CCDC86: variants seen among roughly 807,000 people sequenced by gnomAD.
CCDC86 encodes coiled-coil domain-containing protein 86.
A neutral mutation model predicts 36.7 loss-of-function variants in CCDC86; 28 were observed. The ratio of observed to expected loss-of-function variants is 0.76; its 90% confidence interval spans 0.57 to 1.05. The LOEUF is 1.05. CCDC86 is among the 50% of genes least tolerant of loss of function. The probability of loss-of-function intolerance (pLI) is 0.00; values close to 1 mark genes in which losing one functional copy is unlikely to be tolerated. For missense variants in CCDC86, 453 were observed against 470.2 expected, an observed-to-expected ratio of 0.96 and a Z score of 0.34; for synonymous variants, 199 against 203.4, an observed-to-expected ratio of 0.98 and a Z score of 0.18.
chr11:60,848,992 C>T (rs981278610), intron 2 of CCDC86, among the ~76,000 whole-genome samples: 21 of 152,188 alleles, frequency 1.4e-4, no homozygotes, highest in Non-Finnish European at 2.2e-4. Flanking sequence ...CCGTCCACTG[C>T]GGAGGTGCTC....
chr11:60,848,131 C>T (rs1855211121), intron 2 of CCDC86, 78 bp downstream of exon 2: 3 of 1,509,344 alleles, frequency 2.0e-6, no homozygotes, highest in Non-Finnish European at 2.7e-6. Flanking sequence ...AGGCGAGGGC[C>T]TCCACGGGTG....
Position 60,842,425 on chromosome 11 carries a change from G to T in CCDC86, c.301G>T (p.Glu101Ter). ...SPQRQQDLHL[E>*]SPQRQPEYSP... ...CCAGCGTCAGCAAGACCTACACCTG[G>T]AGTCGCCTCAAAGACAGCCAGAGTA... Residue 101 changes from glutamate to a stop codon, truncating the protein, a stop_gained, in exon 1 of 4, where the codon GAG becomes TAG. Transcript: ENST00000227520. LOFTEE classifies it high-confidence loss of function. The T allele has an allele frequency of 1.2e-6, 2 of 1,614,006 alleles. No homozygotes were observed. The highest frequency in any genetic ancestry group is 8.5e-7 in the Non-Finnish European group (1 of 1,180,006).
intron 2 of CCDC86, among the ~76,000 whole-genome samples, 185 bp from the exon 3 acceptor site, chr11:60,849,755 C>G (rs1168870049): frequency 2.6e-5 from 4 of 152,210 alleles, no homozygotes; most frequent in African/African-American, 9.7e-5. Flanking sequence ...CACAGCAGGC[C>G]CCTGGCACTA....
intron 1 of CCDC86, among the ~76,000 whole-genome samples, chr11:60,845,686 G>A (rs1855175357): frequency 6.6e-6 from 1 of 152,222 alleles, no homozygotes; most frequent in South Asian, 2.1e-4. Context: ...AGTGCCCTTG[G>A]GCATGCTGTC....
intron 2 of CCDC86, 151 bp from the exon 3 acceptor site, chr11:60,849,789 C>T: frequency 1.5e-6 from 1 of 675,576 alleles, no homozygotes; most frequent in Non-Finnish European, 2.6e-6. Context: ...GATTGCTAGC[C>T]CTCCACCCAC....
At position 60,842,533 on chromosome 11, in the gene CCDC86, G is replaced by C; in HGVS notation, c.409G>C (p.Glu137Gln). The C allele has an allele frequency of 1.9e-6, 3 of 1,613,548 alleles. No individual in the cohort carries two copies. Among genetic ancestry groups the C allele is most frequent in the Non-Finnish European group, 1.7e-6 (2 of 1,179,856 alleles). ...TCAGGACCAGGGAGTACTGGCCTCG[G>C]AGTTGGCCCAGAATAAGGAGGAGCT... Reference protein sequence around the residue: ...CSQDQGVLASELAQNKEELTP... With the variant: ...CSQDQGVLASQLAQNKEELTP... The change falls in exon 1 of 4, where the codon GAG becomes CAG. Residue 137 changes from glutamate to glutamine, a missense_variant. Coordinates refer to ENST00000227520, the MANE Select transcript of CCDC86 (RefSeq NM_024098.4).
intron 1 of CCDC86, among the ~76,000 whole-genome samples, chr11:60,847,065 G>A (rs1855193617): frequency 6.6e-6 from 1 of 151,540 alleles, no homozygotes; most frequent in African/African-American, 2.4e-5. Context: ...TGGGGGAAGA[G>A]ATTCTTTTTC....
At position 60,848,058 on chromosome 11, in the gene CCDC86, G is replaced by T. The variant is rs1390523805; in HGVS notation, c.888+5G>T. ...GAGAAGGAGAGGCGCCGCCAGGTGAGGGGCCAGCCAGGCTGAGGCTGGGGC... is the reference window on the plus strand; with the variant it reads ...GAGAAGGAGAGGCGCCGCCAGGTGATGGGCCAGCCAGGCTGAGGCTGGGGC... On this transcript the variant is annotated splice_donor_5th_base_variant and intron_variant, in intron 2 of 3. Coordinates refer to ENST00000227520, the MANE Select transcript of CCDC86 (RefSeq NM_024098.4). 2 of 1,611,800 alleles carry T rather than the reference G, an allele frequency of 1.2e-6. No individual in the cohort carries two copies. Among genetic ancestry groups the T allele is most frequent in the African/African-American group, 1.3e-5 (1 of 74,998 alleles).
At chr11:60,845,608 T>C (rs979047452) in intron 1 of CCDC86, among the ~76,000 whole-genome samples, 2 of 152,124 alleles carry the variant, frequency 1.3e-5, no homozygotes, top group Admixed American at 6.5e-5. Context: ...GCTGGGAAAG[T>C]GTATGTGGTG....
intron 1 of CCDC86, among the ~76,000 whole-genome samples, chr11:60,844,804 G>A (rs1346538456): frequency 1.3e-5 from 2 of 152,232 alleles, no homozygotes; most frequent in Non-Finnish European, 2.9e-5. Context: ...GCAGGGTAGG[G>A]CACTAAGCTG....
chr11:60,844,340 A>G (rs1348361488), intron 1 of CCDC86, among the ~76,000 whole-genome samples: 2 of 152,036 alleles, frequency 1.3e-5, no homozygotes, highest in Non-Finnish European at 2.9e-5. Flanking sequence ...ACCCGTCCTG[A>G]CTCACTGTTG....
chr11:60,846,895 C>T (rs1178144717), intron 1 of CCDC86, among the ~76,000 whole-genome samples: 1 of 151,338 alleles, frequency 6.6e-6, no homozygotes, highest in African/African-American at 2.4e-5. Context: ...TTTTTTTTTC[C>T]CTGAAATATT....
Position 60,842,637 on chromosome 11 carries a change from T to C in CCDC86, c.513T>C (p.Gly171=). 6.2e-7 allele frequency: 1 copy of C among 1,613,656 alleles called. No homozygotes were observed. Among genetic ancestry groups the C allele is most frequent in the Non-Finnish European group, 8.5e-7 (1 of 1,179,964 alleles). The change falls in exon 1 of 4, where the codon GGT becomes GGC. Residue 171 remains glycine, a synonymous_variant. Coordinates refer to ENST00000227520, the MANE Select transcript of CCDC86 (RefSeq NM_024098.4). ...CTTACCCCGGTCAGCAAGCTCCCGG[T>C]CCGGAGCCCTCTCAGCCACTACTGG... is the stretch of plus-strand genomic sequence containing the variant. ...PEPYPGQQAP[G]PEPSQPLLEL...
At chr11:60,848,614 G>A (rs1057215394) in intron 2 of CCDC86, among the ~76,000 whole-genome samples, 2 of 152,132 alleles carry the variant, frequency 1.3e-5, no homozygotes, top group Admixed American at 6.5e-5. Flanking sequence ...CTTTTAAGCG[G>A]GGGGAAGAGG....
chr11:60,844,254 A>G (rs1482922856), intron 1 of CCDC86, among the ~76,000 whole-genome samples: 1 of 152,206 alleles, frequency 6.6e-6, no homozygotes, highest in Non-Finnish European at 1.5e-5. Flanking sequence ...GCTGGAGCAG[A>G]GTAGGAGGCC....
At chr11:60,845,761 A>G (rs1214096388) in intron 1 of CCDC86, among the ~76,000 whole-genome samples, 1 of 152,148 alleles carries the variant, frequency 6.6e-6, no homozygotes, top group Non-Finnish European at 1.5e-5. Context: ...TAAATCTCCC[A>G]CCACCCTTTG....
intron 1 of CCDC86, among the ~76,000 whole-genome samples, chr11:60,845,243 G>C (rs992764009): frequency 1.3e-5 from 2 of 152,180 alleles, no homozygotes; most frequent in East Asian, 3.8e-4. Flanking sequence ...AGGAGATGAG[G>C]TCAGAGAGAC....
chr11:60,848,011 C>T lies in CCDC86; in HGVS notation c.846C>T (p.Asp282=), dbSNP rs573708607. Residue 282 remains aspartate (D), a synonymous_variant, in exon 2 of 4, where the codon GAC becomes GAT. Coordinates refer to ENST00000227520, the MANE Select transcript of CCDC86 (RefSeq NM_024098.4). ...KERQERKLAK[D]FARHLEEEKE... Reference sequence around the variant, plus strand: ...GACAGGAGAGGAAGCTGGCCAAGGACTTTGCCCGTCACCTGGAGGAGGAGA... The same window carrying T: ...GACAGGAGAGGAAGCTGGCCAAGGATTTTGCCCGTCACCTGGAGGAGGAGA... 9.3e-6 allele frequency: 15 copies of T among 1,613,710 alleles called. No individual in the cohort carries two copies. In the South Asian group the frequency reaches 1.4e-4, roughly 15 times the overall value.
At chr11:60,844,047 A>G (rs932781899) in intron 1 of CCDC86, among the ~76,000 whole-genome samples, 10 of 152,186 alleles carry the variant, frequency 6.6e-5, no homozygotes, top group African/African-American at 2.2e-4. Flanking sequence ...GGAGAATGGC[A>G]GGGCCGTTGA....
Sources: allele counts gnomAD v4.1 joint callset (sites outside exome capture counted in the v4.1 genomes callset), GRCh38; gene constraint gnomAD v4.1.1; transcripts MANE v1.5; gene names NCBI Gene and HGNC (gene_info 2026-07-23, HGNC 2026-07-21).